The following MINAR1 variants were observed in gnomAD, a reference collection of about 807,000 sequenced individuals.
MINAR1 encodes the protein major intrinsically disordered Notch2-binding receptor 1.
Under a neutral mutation model 65.1 loss-of-function variants are expected in MINAR1, and 40 were observed. The ratio of observed to expected loss-of-function variants is 0.61; its 90% CI spans 0.48 to 0.80. MINAR1 has a LOEUF of 0.80. Ranked by LOEUF, MINAR1 falls within the 30% of genes least tolerant of loss-of-function variation. MINAR1 has a pLI of 0.00. For missense variants in MINAR1, 1,128 were observed against 1,148.0 expected, an observed-to-expected ratio of 0.98 and a Z score of 0.25; for synonymous variants, 482 against 449.1, an observed-to-expected ratio of 1.07 and a Z score of -0.93.
intron 1 of MINAR1, among the ~76,000 whole-genome samples, chr15:79,455,061 T>A (rs988031973): frequency 6.6e-6 from 1 of 152,212 alleles, no homozygotes; most frequent in African/African-American, 2.4e-5. Flanking sequence ...TGGATAGATA[T>A]GTAATAAAGC....
At chr15:79,418,525 ACT>A in the MINAR1 span, 1 of 152,256 alleles carries the variant, frequency 6.6e-6, no homozygotes, top group Admixed American at 6.5e-5. Context: ...CACATTGGGT[ACT>A]CTCAGTGTTG....
At chr15:79,446,489 T>C (rs1378395970) in intron 1 of MINAR1, among the ~76,000 whole-genome samples, 1 of 152,108 alleles carries the variant, frequency 6.6e-6, no homozygotes, top group East Asian at 1.9e-4. Context: ...AAATTATCTG[T>C]ATATTATTTT....
At chr15:79,448,771 A>G (rs564685305) in intron 1 of MINAR1, among the ~76,000 whole-genome samples, 1 of 152,316 alleles carries the variant, frequency 6.6e-6, no homozygotes, top group African/African-American at 2.4e-5. Flanking sequence ...TTGGTAGCAG[A>G]AGGGAAGATT....
At chr15:79,431,580 C>T (rs1191534412), upstream of MINAR1, among the ~76,000 whole-genome samples, 1 of 152,110 alleles carries the variant, frequency 6.6e-6, no homozygotes, top group East Asian at 1.9e-4. Flanking sequence ...CCCAATTAAG[C>T]CGACACCAGC....
rs1367094642 is a variant in MINAR1, at chr15:79,468,782, G to GAAAT, written c.*400_*403dup. On this transcript the variant is annotated 3_prime_UTR_variant, in exon 4 of 4. Transcript: ENST00000305428. ...CACGCCTCTTTAGAAGAAACTAAGG[G>GAAAT]AAATAGCAACATAAGAAGAAAAGAG... The GAAAT allele has an allele frequency of 5.1e-6, 1 of 197,484 alleles. No individual in the cohort carries two copies. The highest frequency in any genetic ancestry group is 5.3e-5 in the Admixed American group (1 of 18,864). The allele number at this position is 197,484 out of a possible 1,614,324, so 12.2% of individuals were successfully genotyped here.
chr15:79,471,846 T>C lies in MINAR1; in HGVS notation c.*3462T>C, dbSNP rs1417661601. ...TTATAACCAACCTGCAAGAATATTG[T>C]GGTCAATTGTGTGAATACCAAATCA... On this transcript the variant is annotated 3_prime_UTR_variant, in exon 4 of 4. Coordinates refer to ENST00000305428, the MANE Select transcript of MINAR1 (RefSeq NM_015206.3). 6.6e-6 allele frequency: 1 copy of C among 152,616 alleles called. No homozygotes were observed. The highest frequency in any genetic ancestry group is 1.5e-5 in the Non-Finnish European group (1 of 68,036). 9.5% of individuals were successfully genotyped at this position (152,616 alleles called of 1,614,324 possible). A position where few individuals can be genotyped will look rare whatever the true frequency, so the allele number is the denominator to read the frequency against.
Position 79,458,275 on chromosome 15 carries a change from A to G in MINAR1, c.2128A>G (p.Arg710Gly). ...KKSLFTRPSSRSLTEENSATE... is the reference protein window; with the variant it reads ...KKSLFTRPSSGSLTEENSATE... Reference sequence around the variant, plus strand: ...AAGCCTCTTCACCAGGCCATCCTCTAGGTCCCTAACAGAGGAGAACAGTGC... The same window carrying G: ...AAGCCTCTTCACCAGGCCATCCTCTGGGTCCCTAACAGAGGAGAACAGTGC... The change falls in exon 2 of 4, where the codon AGG becomes GGG. Residue 710 changes from arginine to glycine, a missense_variant. By Grantham distance (125) the Arg-to-Gly change is moderately radical (BLOSUM62 -2). Coordinates refer to ENST00000305428, the MANE Select transcript of MINAR1 (RefSeq NM_015206.3). 1 of 1,614,130 alleles carries G rather than the reference A, an allele frequency of 6.2e-7. No individual in the cohort carries two copies. Among genetic ancestry groups the G allele is most frequent in the Non-Finnish European group, 8.5e-7 (1 of 1,180,018 alleles).
chr15:79,426,798 C>G, the MINAR1 span: 1 of 152,280 alleles, frequency 6.6e-6, no homozygotes, highest in East Asian at 1.9e-4. Flanking sequence ...AGGAAGTAAC[C>G]CTTTGTGAGC....
At chr15:79,462,161 G>A (rs75996545) in intron 2 of MINAR1, among the ~76,000 whole-genome samples, 2,225 of 152,138 alleles carry the variant, frequency 0.015, 62 homozygotes, top group African/African-American at 0.052. Flanking sequence ...GTGGTATTAC[G>A]TTGCTGGAGA....
rs373957321 is a variant in MINAR1 at position 79,463,294 on chromosome 15, G to C, written c.2526G>C (p.Lys842Asn). The C allele has an allele frequency of 3.7e-6, 6 of 1,613,986 alleles. No individual in the cohort carries two copies. Among genetic ancestry groups the C allele is most frequent in the Non-Finnish European group, 5.1e-6 (6 of 1,179,872 alleles). Residue 842 changes from lysine to asparagine, a missense_variant, in exon 3 of 4, where the codon AAG (lysine) becomes AAC (asparagine). Transcript: ENST00000305428. Reference sequence around the variant, plus strand: ...AGTATGCACGGAATGCGGGCGACAAGGGCAAGCTGACAGCCCTGGACCTGC... The same window carrying C: ...AGTATGCACGGAATGCGGGCGACAACGGCAAGCTGACAGCCCTGGACCTGC... The part of the protein sequence containing the change: ...IEEYARNAGD[K>N]GKLTALDLQT...
chr15:79,425,550 C>A, the MINAR1 span: 1 of 152,142 alleles, frequency 6.6e-6, no homozygotes, highest in Non-Finnish European at 1.5e-5. Flanking sequence ...CTGTTTCCTC[C>A]TTTATCTCTC....
At position 79,457,163 on chromosome 15, in the gene MINAR1, A is replaced by C; in HGVS notation, c.1016A>C (p.Tyr339Ser). 1 of 1,614,122 alleles carries C rather than the reference A, an allele frequency of 6.2e-7. No homozygotes were observed. Among genetic ancestry groups the C allele is most frequent in the South Asian group, 1.1e-5 (1 of 91,072 alleles). The change falls in exon 2 of 4, where the codon TAT (tyrosine) becomes TCT (serine). Residue 339 changes from tyrosine to serine, a missense_variant. Transcript: ENST00000305428. ...TTAGATGACCTTCAAGCCTCTACAT[A>C]TTTTGGGCCCACTCCCGTGATGGGA... ...ESLDDLQASTYFGPTPVMGTQ... is the reference protein window; with the variant it reads ...ESLDDLQASTSFGPTPVMGTQ...
the MINAR1 span, chr15:79,411,884 C>G: frequency 1.0e-5 from 2 of 193,472 alleles, no homozygotes; most frequent in Admixed American, 1.0e-4. Flanking sequence ...GACTTTAACC[C>G]TAGGGGGACT....
the MINAR1 span, chr15:79,411,413 C>CT: frequency 1.4e-6 from 1 of 702,484 alleles, no homozygotes; most frequent in Non-Finnish European, 2.6e-6. Flanking sequence ...TTCAGAGGAG[C>CT]TTATTGGAAG....
Position 79,468,548 on chromosome 15 carries a change from G to A in MINAR1, c.*164G>A, listed in dbSNP as rs555360793. The A allele has an allele frequency of 3.1e-6, 2 of 644,020 alleles. No individual in the cohort carries two copies. The highest frequency in any genetic ancestry group is 1.8e-5 in the African/African-American group (1 of 54,806). 39.9% of individuals were successfully genotyped at this position (644,020 alleles called of 1,614,324 possible). A position where few individuals can be genotyped will look rare whatever the true frequency, so the allele number is the denominator to read the frequency against. On this transcript the variant is annotated 3_prime_UTR_variant, in exon 4 of 4. Transcript: ENST00000305428. ...TGGTTTTCAGAAAGTATACATTCTA[G>A]TGAGAAATCTACCTACCTATTAGCT...
intron 3 of MINAR1, 141 bp downstream of exon 3, chr15:79,463,462 C>G: frequency 1.0e-6 from 1 of 952,774 alleles, no homozygotes; most frequent in South Asian, 1.6e-5. Flanking sequence ...GAATTCAGAA[C>G]TTTAATAAAT....
chr15:79,459,231 C>G (rs1297940115), intron 2 of MINAR1, among the ~76,000 whole-genome samples: 1 of 152,162 alleles, frequency 6.6e-6, no homozygotes, highest in Non-Finnish European at 1.5e-5. Flanking sequence ...AAGACGGCAA[C>G]TCTTAATCTG....
chr15:79,462,814 A>G (rs2141302203), intron 2 of MINAR1, among the ~76,000 whole-genome samples: 2 of 152,316 alleles, frequency 1.3e-5, no homozygotes, highest in Middle Eastern at 3.4e-3. Context: ...AATGGTAGTG[A>G]TGGCCTAAAG....
chr15:79,456,251 G>C lies in MINAR1; in HGVS notation c.104G>C (p.Cys35Ser), dbSNP rs1049720106. Reference sequence around the variant, plus strand: ...TATCAGGACCTGTGCAAATCTCTCTGTGCCCGGTTCGACCTGTCGCAGCTT... The same window carrying C: ...TATCAGGACCTGTGCAAATCTCTCTCTGCCCGGTTCGACCTGTCGCAGCTT... ...VSYQDLCKSLCARFDLSQLAK... is the reference protein window; with the variant it reads ...VSYQDLCKSLSARFDLSQLAK... Residue 35 changes from cysteine (C) to serine (S), a missense_variant, in exon 2 of 4, where the codon TGT becomes TCT. Cys to Ser is a moderately radical substitution (Grantham distance 112). Transcript: ENST00000305428. The C allele has an allele frequency of 6.2e-6, 10 of 1,614,002 alleles. No individual in the cohort carries two copies. The highest frequency in any genetic ancestry group is 3.3e-5 in the Admixed American group (2 of 59,996).
Sources: allele counts gnomAD v4.1 joint callset (sites outside exome capture counted in the v4.1 genomes callset), GRCh38; gene constraint gnomAD v4.1.1; transcripts MANE v1.5; gene names NCBI Gene and HGNC (gene_info 2026-07-23, HGNC 2026-07-21).